RAPGEF5: variants seen among roughly 807,000 people sequenced by gnomAD.
The protein encoded by RAPGEF5 is Rap guanine nucleotide exchange factor 5.
A neutral mutation model predicts 125.2 loss-of-function variants in RAPGEF5; 65 were observed. That is an observed-to-expected ratio of 0.52 (90% CI 0.43 to 0.64). RAPGEF5 has a LOEUF of 0.64. Among genes scored for constraint, RAPGEF5 ranks in the 30% least tolerant of loss-of-function variants. The pLI is 0.00. For missense variants in RAPGEF5, 958 were observed against 1,048.1 expected (o/e 0.91, Z 1.19); for synonymous variants, 391 against 385.9 (o/e 1.01, Z -0.16).
intron 6 of RAPGEF5, among the ~76,000 whole-genome samples, chr7:22,287,346 T>A (rs1460479907): frequency 1.3e-5 from 2 of 152,222 alleles, no homozygotes; most frequent in East Asian, 3.8e-4. Flanking sequence ...ATATGAAAAC[T>A]CATGTGTATC....
Position 22,254,178 on chromosome 7 carries a change from G to A in RAPGEF5, c.796+12786C>T, listed in dbSNP as rs568130974. Among the ~76,000 whole-genome samples the A allele has an allele frequency of 1.2e-4, 19 of 152,210 alleles. No homozygotes were observed. The South Asian group carries it at 3.9e-3, about 32-fold the overall frequency. On this transcript the variant is annotated intron_variant, in intron 7 of 25. Transcript: ENST00000665637. The stretch of plus-strand genomic sequence containing the variant: ...TGGTGAGTCCTGCTAACATGTGACT[G>A]CTCCCAATATTACATACATATACTT...
chr7:22,210,724 T>C (rs1010322413), intron 9 of RAPGEF5, among the ~76,000 whole-genome samples: 1 of 152,162 alleles, frequency 6.6e-6, no homozygotes, highest in African/African-American at 2.4e-5. Context: ...TTTGTTAAAA[T>C]GGTTGAGCCT....
chr7:22,206,454 C>A (rs751201558), intron 9 of RAPGEF5, among the ~76,000 whole-genome samples: 3 of 152,122 alleles, frequency 2.0e-5, no homozygotes, highest in Non-Finnish European at 2.9e-5. Context: ...ATAGTCCCAG[C>A]ACTTTAGGAG....
At chr7:22,302,547 G>A (rs181596749) in intron 5 of RAPGEF5, among the ~76,000 whole-genome samples, 376 of 152,248 alleles carry the variant, frequency 2.5e-3, no homozygotes, top group African/African-American at 8.4e-3. Flanking sequence ...CAAGACCAGT[G>A]AGGATGAAAA....
chr7:22,126,249 C>T (rs1782741758), intron 24 of RAPGEF5, among the ~76,000 whole-genome samples: 1 of 152,172 alleles, frequency 6.6e-6, no homozygotes, highest in African/African-American at 2.4e-5. Context: ...ACCCCCAGCC[C>T]CAGTCATCCT....
In RAPGEF5 at chr7:22,245,811, C is replaced by T. The variant is rs138110655; in HGVS notation, c.797-14892G>A. Reference sequence around the variant, plus strand: ...GCATCCAATTAGGAAAACTATCTCTCTTCACTGATACGATTCTATACCTAG... The same window carrying T: ...GCATCCAATTAGGAAAACTATCTCTTTTCACTGATACGATTCTATACCTAG... On this transcript the variant is annotated intron_variant, in intron 7 of 25. Coordinates refer to ENST00000665637, the MANE Select transcript of RAPGEF5 (RefSeq NM_012294.5). Among the ~76,000 whole-genome samples the T allele has an allele frequency of 1.4e-3, 206 of 152,250 alleles. 2 individuals are homozygous for T. Among genetic ancestry groups the T allele is most frequent in the African/African-American group, 4.9e-3 (202 of 41,560 alleles).
intron 6 of RAPGEF5, among the ~76,000 whole-genome samples, chr7:22,276,407 G>A (rs968150382): frequency 6.6e-6 from 1 of 151,846 alleles, no homozygotes; most frequent in South Asian, 2.1e-4. Flanking sequence ...CTCAATCATC[G>A]TGCCCTTTGG....
chr7:22,350,860 C>T (rs10499549), intron 1 of RAPGEF5, among the ~76,000 whole-genome samples: 23,121 of 152,100 alleles, frequency 0.15, 1,935 homozygotes, highest in Admixed American at 0.2. Context: ...ATAGCTAACA[C>T]AGTTTTACAC....
intron 7 of RAPGEF5, among the ~76,000 whole-genome samples, chr7:22,232,320 T>TC (rs1429584559): frequency 6.6e-6 from 1 of 151,658 alleles, no homozygotes; most frequent in Admixed American, 6.6e-5. Context: ...TGTGCTTTTT[T>TC]TTTTTTTTTT....
At chr7:22,144,642 G>T (rs575808332) in intron 20 of RAPGEF5, among the ~76,000 whole-genome samples, 39 of 152,284 alleles carry the variant, frequency 2.6e-4, no homozygotes, top group Admixed American at 2.5e-3. Context: ...AAGTTCATAC[G>T]GTGGGCCTCA....
chr7:22,266,665 A>G (rs1173367748), intron 7 of RAPGEF5, among the ~76,000 whole-genome samples: 1 of 152,150 alleles, frequency 6.6e-6, no homozygotes, highest in Non-Finnish European at 1.5e-5. Flanking sequence ...TTTGTCATGT[A>G]CCTAGATCCT....
chr7:22,194,082 A>G, intron 9 of RAPGEF5, 49 bp from the exon 10 acceptor site: 1 of 1,513,828 alleles, frequency 6.6e-7, no homozygotes, highest in Non-Finnish European at 9.1e-7. Context: ...AAAGAGAGAG[A>G]AAATTAAAAG....
rs987062336 is a variant in RAPGEF5 at position 22,118,627 on chromosome 7, G to A, written c.*3779C>T. 2 of 152,566 alleles carry A rather than the reference G, an allele frequency of 1.3e-5. No homozygotes were observed. Among genetic ancestry groups the A allele is most frequent in the African/African-American group, 4.8e-5 (2 of 41,442 alleles). 9.5% of individuals were successfully genotyped at this position (152,566 alleles called of 1,614,324 possible). ...AGTGTAGTCCCTGAGAAGTTAGGTA[G>A]ACACCCTGATGGCGGGTTCTCTATC... On this transcript the variant is annotated 3_prime_UTR_variant, in exon 26 of 26. Coordinates refer to ENST00000665637, the MANE Select transcript of RAPGEF5 (RefSeq NM_012294.5).
rs1392141013 is a variant in RAPGEF5 at position 22,332,776 on chromosome 7, AT to A, written c.232-14740del. Reference sequence around the variant, plus strand: ...AAACACTTCTCACAATCACAGTCCTATTAACCAACAGGTGGCACATTAAATC... The same window carrying A: ...AAACACTTCTCACAATCACAGTCCTATAACCAACAGGTGGCACATTAAATC... On this transcript the variant is annotated intron_variant, in intron 1 of 25. Transcript: ENST00000665637. 2.6e-5 allele frequency among the ~76,000 whole-genome samples: 4 copies of A among 152,216 alleles called. No homozygotes were observed. In the East Asian group the frequency reaches 7.7e-4, roughly 29 times the overall value.
intron 18 of RAPGEF5, among the ~76,000 whole-genome samples, chr7:22,147,263 C>T (rs554004743): frequency 1.3e-5 from 2 of 152,286 alleles, no homozygotes; most frequent in Admixed American, 1.3e-4. Context: ...ATCTCTCTCC[C>T]CTACCCCCAC....
intron 20 of RAPGEF5, among the ~76,000 whole-genome samples, chr7:22,141,004 G>C (rs1165537197): frequency 6.6e-6 from 1 of 152,190 alleles, no homozygotes; most frequent in East Asian, 1.9e-4. Context: ...GGGGCCTTGT[G>C]ATGTTTGTTT....
In RAPGEF5 at chr7:22,193,036, T is replaced by C. The variant is rs1447367081; in HGVS notation, c.1204+331A>G. ...CGCCTGCTAACCCTCCTCCTCCTTGTATTTCTTTCCATTGAACATGGGCTA... is the reference window on the plus strand; with the variant it reads ...CGCCTGCTAACCCTCCTCCTCCTTGCATTTCTTTCCATTGAACATGGGCTA... On this transcript the variant is annotated intron_variant, in intron 11 of 25. Coordinates refer to ENST00000665637, the MANE Select transcript of RAPGEF5 (RefSeq NM_012294.5). 17 of 364,624 alleles carry C rather than the reference T, an allele frequency of 4.7e-5. No individual in the cohort carries two copies. The Admixed American group carries it at 6.8e-4, about 15-fold the overall frequency. 22.6% of individuals were successfully genotyped at this position (364,624 alleles called of 1,614,324 possible). A position where few individuals can be genotyped will look rare whatever the true frequency, so the allele number is the denominator to read the frequency against.
At position 22,317,998 on chromosome 7, in the gene RAPGEF5, T is replaced by A; in HGVS notation, c.271A>T (p.Thr91Ser). The A allele has an allele frequency of 6.5e-7, 1 of 1,548,314 alleles. No homozygotes were observed. Among genetic ancestry groups the A allele is most frequent in the Non-Finnish European group, 8.7e-7 (1 of 1,146,394 alleles). ...GAAAGGAATCATACCTGGGAAGGCG[T>A]ATGTTCAAGGTACGGATTAGATATT... ...RRISNPYLEH[T>S]PSQIYGENSS... is the part of the protein sequence containing the mutation. The change falls in exon 2 of 26, where the codon ACG (threonine) becomes TCG (serine). Residue 91 changes from threonine to serine, a missense_variant. By Grantham distance (58) the Thr-to-Ser change is moderately conservative. Transcript: ENST00000665637.
chr7:22,356,199 T>A (rs936041089), intron 1 of RAPGEF5: 1 of 985,372 alleles, frequency 1.0e-6, no homozygotes, highest in Non-Finnish European at 1.2e-6. Context: ...AAATCGTATC[T>A]GAACACACCA....
Sources: gnomAD v4.1 joint callset for allele counts (sites outside exome capture counted in the v4.1 genomes callset) on GRCh38, gnomAD v4.1.1 for gene constraint, MANE v1.5 for transcripts, NCBI Gene and HGNC (gene_info 2026-07-23, HGNC 2026-07-21) for gene names.